MEI4: variants seen among roughly 807,000 people sequenced by gnomAD.
MEI4 encodes meiotic double-stranded break formation protein 4, also known as meiosis-specific protein MEI4.
A neutral mutation model predicts 31.4 loss-of-function variants in MEI4; 27 were observed. The ratio of observed to expected loss-of-function variants is 0.86; its 90% CI spans 0.63 to 1.19. MEI4 has a LOEUF of 1.19. MEI4 is among the 50% of genes most tolerant of loss of function. MEI4 has a pLI of 0.00. For missense variants in MEI4, 329 were observed against 398.9 expected (o/e 0.82, Z 1.49); for synonymous variants, 122 against 145.4 (o/e 0.84, Z 1.16).
At chr6:77,795,521 A>T (rs974875359) in intron 3 of MEI4, among the ~76,000 whole-genome samples, 14 of 150,822 alleles carry the variant, frequency 9.3e-5, no homozygotes, top group Non-Finnish European at 1.6e-4. Context: ...TTGAAAAGGT[A>T]AACAAAATTG....
At chr6:77,835,855 A>G (rs763286032) in intron 4 of MEI4, among the ~76,000 whole-genome samples, 7 of 152,124 alleles carry the variant, frequency 4.6e-5, no homozygotes, top group Non-Finnish European at 1.0e-4. Flanking sequence ...CTGTATTAAC[A>G]TTCATAGATT....
chr6:77,694,490 C>A (rs545702107), intron 2 of MEI4, among the ~76,000 whole-genome samples: 1 of 151,256 alleles, frequency 6.6e-6, no homozygotes, highest in South Asian at 2.1e-4. Context: ...TCAATTCCCA[C>A]CTATGAGTGA....
At chr6:77,747,235 C>G (rs549249038) in intron 2 of MEI4, among the ~76,000 whole-genome samples, 2 of 151,946 alleles carry the variant, frequency 1.3e-5, no homozygotes, top group African/African-American at 4.8e-5. Context: ...GCACTTGAAC[C>G]CAGGAAGCAG....
At chr6:77,918,566 G>A (rs1280619425) in intron 4 of MEI4, among the ~76,000 whole-genome samples, 2 of 149,434 alleles carry the variant, frequency 1.3e-5, no homozygotes, top group African/African-American at 4.9e-5. Context: ...TTGGCTCTCT[G>A]TTTGTCTGTT....
At chr6:77,720,485 G>A (rs12179925) in intron 2 of MEI4, among the ~76,000 whole-genome samples, 2,675 of 121,188 alleles carry the variant, frequency 0.022, 282 homozygotes, top group African/African-American at 0.083. Context: ...CTCCTGTTTG[G>A]CAAGTTGCCC....
chr6:77,804,960 T>G (rs1426859751), intron 3 of MEI4, among the ~76,000 whole-genome samples: 1 of 152,226 alleles, frequency 6.6e-6, no homozygotes, highest in Non-Finnish European at 1.5e-5. Flanking sequence ...TCAGCAGGTT[T>G]TATCTGTACT....
At chr6:77,814,888 C>T (rs1259921109) in intron 3 of MEI4, among the ~76,000 whole-genome samples, 1 of 152,110 alleles carries the variant, frequency 6.6e-6, no homozygotes, top group African/African-American at 2.4e-5. Context: ...TGGCCATTGT[C>T]CTTAACCTTG....
At chr6:77,760,184 A>T (rs1043805077) in intron 2 of MEI4, among the ~76,000 whole-genome samples, 2 of 152,130 alleles carry the variant, frequency 1.3e-5, no homozygotes, top group Admixed American at 6.6e-5. Flanking sequence ...ACATACACAC[A>T]CATGTGTACA....
At chr6:77,792,334 G>C (rs751175065) in intron 3 of MEI4, among the ~76,000 whole-genome samples, 2 of 152,082 alleles carry the variant, frequency 1.3e-5, no homozygotes, top group African/African-American at 4.8e-5. Context: ...TGTCTGGATC[G>C]TATGACAGTT....
rs1429612514 is a variant in MEI4, at chr6:77,721,996, A to G, written c.232+31093A>G. ...CAAAAGTCTGACAAATAGTTGGACT[A>G]TTAAGCATTCCCTGAGGTAACACTT... On this transcript the variant is annotated intron_variant, in intron 2 of 4. Coordinates refer to ENST00000684080, the MANE Select transcript of MEI4 (RefSeq NM_001322247.2). Among the ~76,000 whole-genome samples the G allele has an allele frequency of 2.3e-5, 3 of 127,794 alleles. 1 individual carries two copies. The highest frequency in any genetic ancestry group is 8.8e-5 in the African/African-American group (3 of 34,168). The allele number at this position is 127,794 out of a possible 152,430, so 83.8% of individuals were successfully genotyped here.
At chr6:77,785,758 C>G (rs767673138) in intron 3 of MEI4, among the ~76,000 whole-genome samples, 16 of 151,966 alleles carry the variant, frequency 1.1e-4, no homozygotes, top group Non-Finnish European at 1.9e-4. Flanking sequence ...GCTTTTGGCC[C>G]CAGGCTCTTA....
intron 2 of MEI4, among the ~76,000 whole-genome samples, chr6:77,746,955 A>G (rs1034434416): frequency 3.3e-5 from 5 of 152,236 alleles, no homozygotes; most frequent in South Asian, 2.1e-4. Flanking sequence ...AGAGTTCAGG[A>G]AAAAATTACC....
At chr6:77,842,972 A>G (rs1205672430) in intron 4 of MEI4, among the ~76,000 whole-genome samples, 3 of 152,004 alleles carry the variant, frequency 2.0e-5, no homozygotes, top group Admixed American at 6.6e-5. Context: ...CGAGGGTTTC[A>G]CTATCAAATT....
chr6:77,856,558 T>TG (rs34867886), intron 4 of MEI4, among the ~76,000 whole-genome samples: 125,652 of 152,130 alleles, frequency 0.83, 52,411 homozygotes, highest in East Asian at 0.95. Flanking sequence ...TTTAGTGACG[T>TG]GGTCATGACC....
chr6:77,731,946 G>A (rs554025943), intron 2 of MEI4, among the ~76,000 whole-genome samples: 40 of 148,476 alleles, frequency 2.7e-4, no homozygotes, highest in African/African-American at 6.3e-4. Flanking sequence ...GTACATATGC[G>A]GCATTATTTC....
chr6:77,740,058 C>T (rs1767359315), intron 2 of MEI4, among the ~76,000 whole-genome samples: 1 of 152,096 alleles, frequency 6.6e-6, no homozygotes, highest in Non-Finnish European at 1.5e-5. Flanking sequence ...GCATTATTTA[C>T]CCCAAAGTCA....
chr6:77,840,757 CT>C (rs531956653), intron 4 of MEI4, among the ~76,000 whole-genome samples: 255 of 152,188 alleles, frequency 1.7e-3, no homozygotes, highest in Non-Finnish European at 2.9e-3. Context: ...CCATCTATTT[CT>C]TTTTATAGAT....
intron 4 of MEI4, among the ~76,000 whole-genome samples, chr6:77,883,717 G>GATATATATATATATATATATAT (rs570185624): frequency 0.012 from 529 of 43,032 alleles, 10 homozygotes; most frequent in East Asian, 0.016. Flanking sequence ...TATTATGTAA[G>GATATATATATATATATATATAT]ATATATATAT....
chr6:77,878,040 A>G (rs1358699924), intron 4 of MEI4, among the ~76,000 whole-genome samples: 2 of 152,076 alleles, frequency 1.3e-5, no homozygotes, highest in South Asian at 2.1e-4. Context: ...AATTCAGCCA[A>G]TTAGTAATAT....
Sources: allele counts gnomAD v4.1 joint callset (sites outside exome capture counted in the v4.1 genomes callset), GRCh38; gene constraint gnomAD v4.1.1; transcripts MANE v1.5; gene names NCBI Gene and HGNC (gene_info 2026-07-23, HGNC 2026-07-21).